The following PDZD2 variants were observed in gnomAD, a reference collection of about 807,000 sequenced individuals.
PDZD2 encodes PDZ domain-containing protein 2.
In PDZD2, 90 loss-of-function variants were observed where a neutral mutation model predicts 220.7. The ratio of observed to expected loss-of-function variants is 0.41; its 90% confidence interval spans 0.34 to 0.49. PDZD2 has a LOEUF of 0.49. PDZD2 is among the 20% of genes least tolerant of loss of function. The pLI, the probability that PDZD2 is intolerant of heterozygous loss-of-function variation, is 0.28. For missense variants in PDZD2, 3,174 were observed against 3,608.5 expected (o/e 0.88, Z 3.08); for synonymous variants, 1,375 against 1,450.5 (o/e 0.95, Z 1.18).
intron 1 of PDZD2, among the ~76,000 whole-genome samples, chr5:31,664,173 G>A (rs576921693): frequency 1.1e-4 from 17 of 152,044 alleles, no homozygotes; most frequent in African/African-American, 4.1e-4. Flanking sequence ...GTTTTGTTTT[G>A]TTTTGTTTTT....
chr5:31,832,185 T>C (rs1424892481), intron 2 of PDZD2, among the ~76,000 whole-genome samples: 1 of 152,094 alleles, frequency 6.6e-6, no homozygotes, highest in Non-Finnish European at 1.5e-5. Context: ...GAGCCTGGCG[T>C]GATTCCATTT....
chr5:32,101,229 A>G lies in PDZD2; in HGVS notation c.8343A>G (p.Arg2781=). The G allele has an allele frequency of 6.2e-7, 1 of 1,612,672 alleles. No homozygotes were observed. Among genetic ancestry groups the G allele is most frequent in the East Asian group, 2.2e-5 (1 of 44,874 alleles). Reference sequence around the variant, plus strand: ...GAGATGGGCCCTTGGTCATTAAAAGAGTGTACAAAGGTAATGTTCTAGACA... The same window carrying G: ...GAGATGGGCCCTTGGTCATTAAAAGGGTGTACAAAGGTAATGTTCTAGACA... ...VTGDGPLVIK[R]VYKGGAAEQA... The change falls in exon 24 of 25, where the codon AGA becomes AGG. Residue 2781 remains arginine, a synonymous_variant. Transcript: ENST00000438447.
intron 2 of PDZD2, chr5:31,847,752 G>C: frequency 1.7e-6 from 1 of 591,744 alleles, no homozygotes; most frequent in South Asian, 1.4e-5. Context: ...TGGAGGCCCT[G>C]AAGGAAGCTG....
chr5:32,058,790 C>T (rs141259091), intron 12 of PDZD2, among the ~76,000 whole-genome samples: 9 of 152,092 alleles, frequency 5.9e-5, no homozygotes, highest in Non-Finnish European at 1.0e-4. Context: ...AGAATTCATG[C>T]GTGATCACCA....
chr5:31,773,917 G>A (rs72755462), intron 1 of PDZD2, among the ~76,000 whole-genome samples: 8,630 of 152,132 alleles, frequency 0.057, 294 homozygotes, highest in Non-Finnish European at 0.071. Context: ...TGATCTACCC[G>A]CTTTACAGAC....
chr5:31,840,959 T>G, intron 2 of PDZD2: 1 of 455,286 alleles, frequency 2.2e-6, no homozygotes, highest in Non-Finnish European at 3.9e-6. Flanking sequence ...CTCTTTCTCT[T>G]TGTGTTTCTC....
chr5:31,951,398 C>G (rs1383570763), intron 2 of PDZD2, among the ~76,000 whole-genome samples: 1 of 152,168 alleles, frequency 6.6e-6, no homozygotes, highest in Non-Finnish European at 1.5e-5. Context: ...GTTCTACTCT[C>G]ATTCACGAGG....
intron 2 of PDZD2, among the ~76,000 whole-genome samples, chr5:31,838,238 A>G (rs1164727279): frequency 6.6e-6 from 1 of 152,052 alleles, no homozygotes; most frequent in Non-Finnish European, 1.5e-5. Flanking sequence ...TTGTATTTTT[A>G]TTAGAGATGG....
At chr5:32,006,907 CTTTTTTT>C (rs1173189592) in intron 5 of PDZD2, among the ~76,000 whole-genome samples, 1 of 47,844 alleles carries the variant, frequency 2.1e-5, no homozygotes, top group Non-Finnish European at 3.3e-5. Context: ...CCATGCTGGT[CTTTTTTT>C]TTTTTTTTTT....
At chr5:31,942,569 A>G (rs1268124047) in intron 2 of PDZD2, among the ~76,000 whole-genome samples, 1 of 152,216 alleles carries the variant, frequency 6.6e-6, no homozygotes, top group South Asian at 2.1e-4. Flanking sequence ...ACCTGGGCTC[A>G]AGTAATCCTC....
chr5:31,827,691 CA>C (rs1322463109), intron 2 of PDZD2, among the ~76,000 whole-genome samples: 8 of 43,702 alleles, frequency 1.8e-4, no homozygotes, highest in Non-Finnish European at 2.5e-4. Context: ...GACTCTGTCT[CA>C]AAAAAAATAA....
intron 5 of PDZD2, among the ~76,000 whole-genome samples, chr5:32,003,310 ACACACCCCACACACACACCCC>A: frequency 1.3e-5 from 1 of 79,598 alleles, no homozygotes; most frequent in Non-Finnish European, 2.5e-5. Flanking sequence ...ACCACACCAC[ACACACCCCACACACACACCCC>A]CACCACACCA....
In PDZD2 at chr5:31,913,384, A is replaced by G. The variant is rs182318403; in HGVS notation, c.477-69771A>G. ...TAGTATCAAAGGGAAAGAAACACAA[A>G]GCTAAGATTTAGCCCATGGTCTGCA... On this transcript the variant is annotated intron_variant, in intron 2 of 24. Transcript: ENST00000438447. Among the ~76,000 whole-genome samples the G allele has an allele frequency of 1.1e-4, 16 of 152,250 alleles. No individual in the cohort carries two copies. In the East Asian group the frequency reaches 3.1e-3, roughly 29 times the overall value.
chr5:31,925,621 G>A (rs568476727), intron 2 of PDZD2, among the ~76,000 whole-genome samples: 3 of 151,998 alleles, frequency 2.0e-5, no homozygotes, highest in African/African-American at 4.8e-5. Flanking sequence ...TAAGACCTAA[G>A]TAAAGAGCTT....
At chr5:32,096,806 T>A (rs1041791321) in intron 21 of PDZD2, among the ~76,000 whole-genome samples, 2 of 149,774 alleles carry the variant, frequency 1.3e-5, no homozygotes, top group African/African-American at 4.9e-5. Flanking sequence ...AGGATTCCCA[T>A]CATGATCAAA....
At chr5:31,706,689 C>A (rs886441812) in intron 1 of PDZD2, among the ~76,000 whole-genome samples, 2 of 151,944 alleles carry the variant, frequency 1.3e-5, no homozygotes, top group African/African-American at 4.8e-5. Context: ...ATTACAAATA[C>A]AAAAATTAGC....
chr5:32,085,548 C>T (rs531126389), intron 19 of PDZD2, among the ~76,000 whole-genome samples: 22 of 149,910 alleles, frequency 1.5e-4, no homozygotes, highest in Non-Finnish European at 4.4e-5. Flanking sequence ...CAGGTTCAAG[C>T]GATTCTCCTG....
intron 2 of PDZD2, among the ~76,000 whole-genome samples, chr5:31,927,817 C>T (rs1744930193): frequency 6.6e-6 from 1 of 152,130 alleles, no homozygotes; most frequent in South Asian, 2.1e-4. Context: ...ATAAACTAGC[C>T]AGAGGTGACC....
At position 31,958,347 on chromosome 5, in the gene PDZD2, G is replaced by A. The variant is rs556807981; in HGVS notation, c.477-24808G>A. Among the ~76,000 whole-genome samples the A allele has an allele frequency of 5.9e-5, 9 of 151,760 alleles. No individual in the cohort carries two copies. In the South Asian group the frequency reaches 1.5e-3, roughly 25 times the overall value. On this transcript the variant is annotated intron_variant, in intron 2 of 24. Transcript: ENST00000438447. ...CAGGTCACTGCAACCTCTGCCTCCT[G>A]GGTTCAAGCGATTCTCCTGTCTCAG...
Sources: gnomAD v4.1 joint callset for allele counts (sites outside exome capture counted in the v4.1 genomes callset) on GRCh38, gnomAD v4.1.1 for gene constraint, MANE v1.5 for transcripts, NCBI Gene and HGNC (gene_info 2026-07-23, HGNC 2026-07-21) for gene names.